The following GDAP2 variants were observed in gnomAD, a reference collection of about 807,000 sequenced individuals.
GDAP2 encodes ganglioside-induced differentiation-associated protein 2.
Under a neutral mutation model 67.0 loss-of-function variants are expected in GDAP2, and 51 were observed. The observed-to-expected ratio is 0.76, with a 90% confidence interval of 0.61 to 0.96. The LOEUF (loss-of-function observed/expected upper bound fraction) is 0.96. GDAP2 is among the 40% of genes least tolerant of loss of function. The probability of loss-of-function intolerance (pLI) is 0.00; values close to 1 mark genes in which losing one functional copy is unlikely to be tolerated. For synonymous variants in GDAP2, 203 were observed against 207.3 expected, an observed-to-expected ratio of 0.98 and a Z score of 0.18; for missense variants, 547 against 588.3, an observed-to-expected ratio of 0.93 and a Z score of 0.73.
chr1:117,879,205 G>A (rs1648567699), intron 12 of GDAP2, among the ~76,000 whole-genome samples: 1 of 152,150 alleles, frequency 6.6e-6, no homozygotes, highest in Non-Finnish European at 1.5e-5. Flanking sequence ...TTGAGCAATT[G>A]TAAACACACA....
rs1186878286 is a variant in GDAP2, at chr1:117,878,105, G to T, written c.1350C>A (p.Asp450Glu). Residue 450 changes from aspartate to glutamate, a missense_variant, in exon 13 of 14, where the codon GAC (aspartate) becomes GAA (glutamate). Physicochemically the swap from Asp to Glu is conservative, Grantham distance 45. Coordinates refer to ENST00000369443, the MANE Select transcript of GDAP2 (RefSeq NM_017686.4). ...FTTFSVSGLK[D>E]KIHHVDSLHQ... ...GGAGGCTGTCCACATGGTGGATTTT[G>T]TCCTTCAGTCCTGAGACAGAAAAGG... 3 of 1,610,110 alleles carry T rather than the reference G, an allele frequency of 1.9e-6. No homozygotes were observed. In the East Asian group the frequency reaches 6.7e-5, roughly 36 times the overall value.
At chr1:117,879,274 G>A (rs1312342735) in intron 12 of GDAP2, among the ~76,000 whole-genome samples, 1 of 152,138 alleles carries the variant, frequency 6.6e-6, no homozygotes, top group Non-Finnish European at 1.5e-5. Context: ...TGCCTCTCTG[G>A]TTTCTGGCTT....
intron 3 of GDAP2, among the ~76,000 whole-genome samples, chr1:117,916,824 A>C (rs773867176): frequency 6.6e-6 from 1 of 152,182 alleles, no homozygotes; most frequent in Non-Finnish European, 1.5e-5. Context: ...ACTTGAGGTC[A>C]GGAGTTCAAG....
intron 13 of GDAP2, among the ~76,000 whole-genome samples, chr1:117,872,109 T>C (rs896624980): frequency 6.6e-6 from 1 of 152,064 alleles, no homozygotes; most frequent in African/African-American, 2.4e-5. Flanking sequence ...TCACTGATCA[T>C]TAGAGAAATG....
At chr1:117,884,774 AACTT>A (rs1267929116) in intron 10 of GDAP2, among the ~76,000 whole-genome samples, 9 of 151,796 alleles carry the variant, frequency 5.9e-5, no homozygotes, top group African/African-American at 1.4e-4. Flanking sequence ...TACAAACAGA[AACTT>A]ACTAACGGTA....
intron 11 of GDAP2, among the ~76,000 whole-genome samples, chr1:117,882,679 A>G (rs971497539): frequency 1.3e-5 from 2 of 152,154 alleles, no homozygotes; most frequent in Non-Finnish European, 2.9e-5. Context: ...TATACAACCC[A>G]CATTCAGAGT....
At chr1:117,873,251 A>G (rs1190952522) in intron 13 of GDAP2, among the ~76,000 whole-genome samples, 1 of 152,182 alleles carries the variant, frequency 6.6e-6, no homozygotes, top group Non-Finnish European at 1.5e-5. Flanking sequence ...AAGAATGCCA[A>G]TAACTCTCTT....
chr1:117,874,454 G>C (rs1648389118), intron 13 of GDAP2, among the ~76,000 whole-genome samples: 1 of 152,214 alleles, frequency 6.6e-6, no homozygotes, highest in South Asian at 2.1e-4. Context: ...ACCTGAAGTA[G>C]ATGCTGGTGT....
intron 5 of GDAP2, among the ~76,000 whole-genome samples, chr1:117,911,581 T>G (rs541477417): frequency 6.6e-6 from 1 of 152,256 alleles, no homozygotes; most frequent in Admixed American, 6.5e-5. Context: ...AATTAAATTC[T>G]GTTAAATTAA....
intron 6 of GDAP2, among the ~76,000 whole-genome samples, chr1:117,899,468 A>G (rs1279821996): frequency 2.0e-5 from 3 of 152,142 alleles, no homozygotes; most frequent in African/African-American, 2.4e-5. Context: ...CCTGGAATGC[A>G]TAAGTCCTGC....
chr1:117,923,571 A>C (rs1250162545), intron 1 of GDAP2, among the ~76,000 whole-genome samples: 1 of 152,224 alleles, frequency 6.6e-6, no homozygotes, highest in Non-Finnish European at 1.5e-5. Flanking sequence ...GAAATAAATA[A>C]GGGCAGACAG....
chr1:117,883,449 G>T (rs1347333390), intron 11 of GDAP2, 39 bp downstream of exon 11: 3 of 1,482,880 alleles, frequency 2.0e-6, no homozygotes, highest in South Asian at 2.3e-5. Context: ...AGAAAAGAAA[G>T]AAACTATTTC....
rs1649359448 is a variant in GDAP2 at position 117,899,148 on chromosome 1, G to A, written c.705C>T (p.Pro235=). The change falls in exon 7 of 14, where the codon CCC becomes CCT. Residue 235 remains proline, a synonymous_variant. Transcript: ENST00000369443. ...RSLKEENRSL[P]YLPADIGNAE... is the part of the protein sequence containing the mutation. ...CATTTCCAATATCTGCAGGTAGGTA[G>A]GGCAATGATCGATTCTCCTCTTTTA... 6.2e-7 allele frequency: 1 copy of A among 1,609,770 alleles called. No individual in the cohort carries two copies.
At chr1:117,887,567 T>C (rs1006354310) in intron 9 of GDAP2, 131 bp downstream of exon 9, 2 of 685,222 alleles carry the variant, frequency 2.9e-6, no homozygotes, top group African/African-American at 3.6e-5. Flanking sequence ...GGCAAAACTA[T>C]CTTTATTAGT....
Position 117,899,225 on chromosome 1 carries a change from G to A in GDAP2, c.637-9C>T. 2.5e-6 allele frequency: 4 copies of A among 1,596,132 alleles called. No homozygotes were observed. The South Asian group carries it at 4.4e-5, about 18-fold the overall frequency. ...AGCTTTTGGTAAGTACCCTGTGTCA[G>A]AAAAGCAAGACATTCTGTGAAAAAT... On this transcript the variant is annotated splice_polypyrimidine_tract_variant and intron_variant, in intron 6 of 13. Coordinates refer to ENST00000369443, the MANE Select transcript of GDAP2 (RefSeq NM_017686.4).
At chr1:117,890,217 G>A (rs1308972458) in intron 8 of GDAP2, among the ~76,000 whole-genome samples, 2 of 151,972 alleles carry the variant, frequency 1.3e-5, no homozygotes, top group African/African-American at 4.8e-5. Flanking sequence ...CAGAGTGGAG[G>A]CAAATTCTAG....
At chr1:117,895,255 T>A (rs1207408772) in intron 8 of GDAP2, among the ~76,000 whole-genome samples, 1 of 152,138 alleles carries the variant, frequency 6.6e-6, no homozygotes, top group Admixed American at 6.6e-5. Flanking sequence ...AAAATACTCC[T>A]CCATTTTCCA....
At chr1:117,913,203 T>C (rs1465414552) in intron 3 of GDAP2, among the ~76,000 whole-genome samples, 1 of 152,176 alleles carries the variant, frequency 6.6e-6, no homozygotes. Context: ...ATATGCAAAG[T>C]GCATACATGC....
chr1:117,906,425 A>T, intron 6 of GDAP2, 81 bp downstream of exon 6: 1 of 732,810 alleles, frequency 1.4e-6, no homozygotes, highest in Non-Finnish European at 2.4e-6. Flanking sequence ...CTGGAAACTC[A>T]GTAAATATGT....
Sources: allele counts gnomAD v4.1 joint callset (sites outside exome capture counted in the v4.1 genomes callset), GRCh38; gene constraint gnomAD v4.1.1; transcripts MANE v1.5; gene names NCBI Gene and HGNC (gene_info 2026-07-23, HGNC 2026-07-21).